Variants in TP63 observed in about 807,000 individuals in gnomAD.
TP63 encodes the protein tumor protein p63.
Under a neutral mutation model 82.8 loss-of-function variants are expected in TP63, and 17 were observed. That is an observed-to-expected ratio of 0.21 (90% CI 0.14 to 0.31). The LOEUF (loss-of-function observed/expected upper bound fraction) is 0.31, where lower values mean the gene tolerates loss of function less well. Among genes scored for constraint, TP63 ranks in the 10% least tolerant of loss-of-function variants. TP63 has a pLI of 1.00. For synonymous variants in TP63, 330 were observed against 321.7 expected, an observed-to-expected ratio of 1.03 and a Z score of -0.28; for missense variants, 648 against 895.3, an observed-to-expected ratio of 0.72 and a Z score of 3.52.
chr3:189,662,190 G>C (rs1212749334), intron 1 of TP63, among the ~76,000 whole-genome samples: 1 of 151,860 alleles, frequency 6.6e-6, no homozygotes, highest in Non-Finnish European at 1.5e-5. Flanking sequence ...AACTTTTCGA[G>C]GTAAGTGTTT....
At chr3:189,690,219 C>T (rs1284607118) in intron 1 of TP63, among the ~76,000 whole-genome samples, 1 of 152,140 alleles carries the variant, frequency 6.6e-6, no homozygotes, top group Non-Finnish European at 1.5e-5. Flanking sequence ...AAATCATCTA[C>T]AAATGAAGAA....
upstream of TP63, chr3:189,631,272 G>C: frequency 7.6e-7 from 1 of 1,307,744 alleles, no homozygotes; most frequent in Non-Finnish European, 9.8e-7. Context: ...AGGATGCCCA[G>C]CTGGTAAGAA....
At chr3:189,831,753 A>G (rs987890046) in intron 4 of TP63, among the ~76,000 whole-genome samples, 1 of 151,670 alleles carries the variant, frequency 6.6e-6, no homozygotes, top group African/African-American at 2.4e-5. Context: ...TTTGATTTAT[A>G]ACACATAGAG....
intron 10 of TP63, chr3:189,881,257 G>T (rs1006260157): frequency 2.0e-6 from 2 of 985,206 alleles, no homozygotes; most frequent in Non-Finnish European, 2.4e-6. Flanking sequence ...GATTGAAAGG[G>T]TAGACTACTT....
the TP63 span, among the ~76,000 whole-genome samples, chr3:189,622,265 A>T: frequency 6.6e-6 from 1 of 152,232 alleles, no homozygotes; most frequent in Non-Finnish European, 1.5e-5. Context: ...ACACTGAGGG[A>T]CATGTGCTGG....
At chr3:189,631,340 C>T (rs986903952), upstream of TP63, 7 of 1,436,868 alleles carry the variant, frequency 4.9e-6, no homozygotes, top group Admixed American at 5.0e-5. Context: ...AATCAAGAAA[C>T]GCTCCGCCTC....
intron 4 of TP63, among the ~76,000 whole-genome samples, chr3:189,834,116 G>A (rs1468205987): frequency 1.3e-5 from 2 of 152,168 alleles, no homozygotes; most frequent in African/African-American, 4.8e-5. Context: ...GACCAGAGGC[G>A]CCGGGAAGCT....
the TP63 span, among the ~76,000 whole-genome samples, chr3:189,598,928 A>G: frequency 2.6e-5 from 4 of 152,230 alleles, no homozygotes; most frequent in Non-Finnish European, 5.9e-5. Flanking sequence ...CATATCTTAG[A>G]GGGATTTCCC....
chr3:189,740,161 A>G (rs1178491703), intron 3 of TP63, among the ~76,000 whole-genome samples: 1 of 152,226 alleles, frequency 6.6e-6, no homozygotes, highest in East Asian at 1.9e-4. Flanking sequence ...CAATACAGAT[A>G]TAGTTCTCAA....
intron 1 of TP63, among the ~76,000 whole-genome samples, chr3:189,712,541 A>G (rs1390976330): frequency 6.6e-6 from 1 of 152,160 alleles, no homozygotes; most frequent in Non-Finnish European, 1.5e-5. Flanking sequence ...TGGAAAGGGC[A>G]CACAGCAGCT....
chr3:189,753,634 T>C (rs1461628998), intron 3 of TP63, among the ~76,000 whole-genome samples: 1 of 152,064 alleles, frequency 6.6e-6, no homozygotes, highest in Non-Finnish European at 1.5e-5. Flanking sequence ...TCCTGTCTTT[T>C]AATTGGTGTA....
At chr3:189,809,126 T>A (rs1727258125) in intron 4 of TP63, among the ~76,000 whole-genome samples, 1 of 152,072 alleles carries the variant, frequency 6.6e-6, no homozygotes, top group Non-Finnish European at 1.5e-5. Flanking sequence ...ATGTATATAT[T>A]TATTTAATTT....
chr3:189,865,614 G>A (rs1052043521), intron 5 of TP63, among the ~76,000 whole-genome samples: 1 of 152,152 alleles, frequency 6.6e-6, no homozygotes, highest in Admixed American at 6.5e-5. Flanking sequence ...TATAATTGTA[G>A]AGAAAATCAA....
intron 3 of TP63, among the ~76,000 whole-genome samples, chr3:189,797,400 T>C (rs1423275676): frequency 1.3e-5 from 2 of 152,080 alleles, no homozygotes; most frequent in African/African-American, 2.4e-5. Context: ...TTCTTTTTCC[T>C]TTTAAGCTTG....
At chr3:189,696,777 A>C (rs1717411288) in intron 1 of TP63, among the ~76,000 whole-genome samples, 1 of 151,984 alleles carries the variant, frequency 6.6e-6, no homozygotes, top group South Asian at 2.1e-4. Flanking sequence ...TTTTACTTTT[A>C]TTTTCCTATG....
At chr3:189,644,522 A>G (rs961766977) in intron 1 of TP63, among the ~76,000 whole-genome samples, 2 of 152,140 alleles carry the variant, frequency 1.3e-5, no homozygotes, top group Non-Finnish European at 2.9e-5. Context: ...GAGAATCTGC[A>G]TTTTATTTAT....
intron 4 of TP63, among the ~76,000 whole-genome samples, chr3:189,815,134 G>T (rs1044370279): frequency 1.3e-5 from 2 of 149,206 alleles, no homozygotes; most frequent in South Asian, 2.1e-4. Context: ...TGTTATTATT[G>T]TTAGTTAATT....
intron 11 of TP63, among the ~76,000 whole-genome samples, chr3:189,888,175 T>C (rs1439979438): frequency 6.6e-6 from 1 of 151,990 alleles, no homozygotes; most frequent in Non-Finnish European, 1.5e-5. Context: ...CATATTTTAA[T>C]GAGATAGAGG....
intron 3 of TP63, among the ~76,000 whole-genome samples, chr3:189,785,811 A>G (rs1005486102): frequency 2.0e-5 from 3 of 152,082 alleles, no homozygotes; most frequent in African/African-American, 4.8e-5. Context: ...ACTTTAGGAA[A>G]GATGAAGTTA....
Sources: gnomAD v4.1 joint callset for allele counts (sites outside exome capture counted in the v4.1 genomes callset) on GRCh38, gnomAD v4.1.1 for gene constraint, MANE v1.5 for transcripts, NCBI Gene and HGNC (gene_info 2026-07-23, HGNC 2026-07-21) for gene names.